Variants in SGCZ observed in about 807,000 individuals in gnomAD.
SGCZ encodes the protein zeta-sarcoglycan.
SGCZ carries 40 observed loss-of-function variants against 41.3 expected under a neutral mutation model. That is an observed-to-expected ratio of 0.97 (90% CI 0.75 to 1.26). The LOEUF (loss-of-function observed/expected upper bound fraction) is 1.26, where lower values mean the gene tolerates loss of function less well. SGCZ is among the 50% of genes most tolerant of loss of function. The pLI, the probability that SGCZ is intolerant of heterozygous loss-of-function variation, is 0.00. For synonymous variants in SGCZ, 206 were observed against 137.5 expected (o/e 1.50, Z -3.49); for missense variants, 552 against 369.8 (o/e 1.49, Z -4.04).
At chr8:14,499,704 A>T (rs1802094272) in intron 2 of SGCZ, among the ~76,000 whole-genome samples, 1 of 151,932 alleles carries the variant, frequency 6.6e-6, no homozygotes, top group African/African-American at 2.4e-5. Context: ...CAAATTTTTA[A>T]ATTCTGTATT....
At chr8:14,164,726 A>C in intron 4 of SGCZ, 24 bp from the exon 5 acceptor site, 1 of 1,610,794 alleles carries the variant, frequency 6.2e-7, no homozygotes. Context: ...AAAGGTTTAA[A>C]AATGAAACTG....
intron 1 of SGCZ, among the ~76,000 whole-genome samples, chr8:14,777,417 G>A (rs1216598361): frequency 1.3e-5 from 2 of 152,156 alleles, no homozygotes; most frequent in Non-Finnish European, 2.9e-5. Flanking sequence ...GATTTTAAAT[G>A]ATTAACGCAA....
rs34411963 is a variant in SGCZ at position 15,078,147 on chromosome 8, C to CTTTTTTTTTT, written c.39+159428_39+159437dup. 6.7e-5 allele frequency among the ~76,000 whole-genome samples: 3 copies of CTTTTTTTTTT among 44,798 alleles called. 1 individual carries two copies. Among genetic ancestry groups the CTTTTTTTTTT allele is most frequent in the African/African-American group, 2.6e-4 (3 of 11,542 alleles). The allele number at this position is 44,798 out of a possible 152,430, so 29.4% of individuals were successfully genotyped here. On this transcript the variant is annotated intron_variant, in intron 1 of 7. Coordinates refer to ENST00000382080, the MANE Select transcript of SGCZ (RefSeq NM_139167.4). ...TGACAGCCTGTTGGCAGGAACTCTT[C>CTTTTTTTTTT]TTTTTTTTTTTTTTTTTTTTTTTTT...
At chr8:14,560,051 G>A (rs1485983060) in intron 1 of SGCZ, among the ~76,000 whole-genome samples, 1 of 151,980 alleles carries the variant, frequency 6.6e-6, no homozygotes, top group African/African-American at 2.4e-5. Flanking sequence ...ATATAGTAGA[G>A]AAAACATAAA....
Position 14,493,634 on chromosome 8 carries a change from G to C in SGCZ, c.234+61098C>G, listed in dbSNP as rs1487042924. ...GCCCACCTCAGCCTCCCAAAGTGCT[G>C]GGATTAGAGGCATGAGTCACCGTTC... On this transcript the variant is annotated intron_variant, in intron 2 of 7. Transcript: ENST00000382080. 3.3e-5 allele frequency among the ~76,000 whole-genome samples: 5 copies of C among 151,586 alleles called. No homozygotes were observed. The East Asian group carries it at 5.9e-4, about 18-fold the overall frequency.
intron 1 of SGCZ, among the ~76,000 whole-genome samples, chr8:14,825,780 C>A (rs112089203): frequency 8.5e-4 from 130 of 152,274 alleles, no homozygotes; most frequent in African/African-American, 2.9e-3. Flanking sequence ...TAAGATTCCA[C>A]ATGTAAGTGA....
At chr8:14,635,317 T>C (rs1396609623) in intron 1 of SGCZ, among the ~76,000 whole-genome samples, 2 of 151,922 alleles carry the variant, frequency 1.3e-5, no homozygotes, top group Non-Finnish European at 2.9e-5. Flanking sequence ...ATGAGAAATA[T>C]ATCCAACTGT....
At chr8:14,672,142 G>C (rs1563193003) in intron 1 of SGCZ, among the ~76,000 whole-genome samples, 1 of 152,100 alleles carries the variant, frequency 6.6e-6, no homozygotes, top group Non-Finnish European at 1.5e-5. Flanking sequence ...GGTTCTCTTT[G>C]CCTTCTAAAT....
chr8:14,170,356 T>C (rs1804340770), intron 4 of SGCZ, among the ~76,000 whole-genome samples: 1 of 152,172 alleles, frequency 6.6e-6, no homozygotes, highest in South Asian at 2.1e-4. Context: ...ATTTCAAACC[T>C]GATCTTAATG....
intron 1 of SGCZ, among the ~76,000 whole-genome samples, chr8:14,796,035 T>C (rs1490077234): frequency 6.6e-6 from 1 of 152,116 alleles, no homozygotes; most frequent in East Asian, 1.9e-4. Context: ...CAGTATTCCA[T>C]GGTGTGTATG....
intron 5 of SGCZ, among the ~76,000 whole-genome samples, chr8:14,131,557 A>T (rs1490912171): frequency 6.6e-6 from 1 of 152,054 alleles, no homozygotes; most frequent in Non-Finnish European, 1.5e-5. Flanking sequence ...TGCTTTATAC[A>T]TTCCCTTTTT....
intron 1 of SGCZ, among the ~76,000 whole-genome samples, chr8:14,819,525 A>T (rs4831653): frequency 0.13 from 19,384 of 152,110 alleles, 1,672 homozygotes; most frequent in East Asian, 0.26. Flanking sequence ...TAATTATCAC[A>T]AAACACATGA....
chr8:14,759,368 G>C (rs1182419633), intron 1 of SGCZ, among the ~76,000 whole-genome samples: 2 of 151,562 alleles, frequency 1.3e-5, no homozygotes, highest in Non-Finnish European at 2.9e-5. Context: ...GTTATTTTTT[G>C]GTTTGAGGTT....
intron 1 of SGCZ, among the ~76,000 whole-genome samples, chr8:15,020,286 A>T (rs970042908): frequency 6.6e-6 from 1 of 152,166 alleles, no homozygotes; most frequent in South Asian, 2.1e-4. Flanking sequence ...TCAATTAAAA[A>T]TCCCACACAC....
chr8:14,123,546 T>C (rs907695997), intron 5 of SGCZ, among the ~76,000 whole-genome samples: 5 of 152,180 alleles, frequency 3.3e-5, no homozygotes, highest in African/African-American at 1.2e-4. Context: ...ATAGTTCACA[T>C]CCAGAGCCAT....
chr8:14,594,235 C>G (rs1037527318), intron 1 of SGCZ, among the ~76,000 whole-genome samples: 1 of 150,198 alleles, frequency 6.7e-6, no homozygotes, highest in Non-Finnish European at 1.5e-5. Context: ...TAAAATAAAA[C>G]AAAATACAAA....
intron 3 of SGCZ, among the ~76,000 whole-genome samples, chr8:14,281,114 T>C (rs182425563): frequency 2.1e-3 from 326 of 152,004 alleles, no homozygotes; most frequent in African/African-American, 7.5e-3. Flanking sequence ...AGTCACATTC[T>C]TGAGATTGAT....
chr8:15,156,179 T>C (rs1383166831), intron 1 of SGCZ, among the ~76,000 whole-genome samples: 1 of 152,118 alleles, frequency 6.6e-6, no homozygotes, highest in South Asian at 2.1e-4. Context: ...TTCACTCCAG[T>C]TTTCAAGGAG....
intron 2 of SGCZ, among the ~76,000 whole-genome samples, chr8:14,334,597 G>C (rs1487181301): frequency 6.6e-6 from 1 of 151,666 alleles, no homozygotes; most frequent in Non-Finnish European, 1.5e-5. Flanking sequence ...TAATTTATTT[G>C]TGCTTTTTTG....
Sources: allele counts gnomAD v4.1 joint callset (sites outside exome capture counted in the v4.1 genomes callset), GRCh38; gene constraint gnomAD v4.1.1; transcripts MANE v1.5; gene names NCBI Gene and HGNC (gene_info 2026-07-23, HGNC 2026-07-21).